The following DLGAP2 variants were observed in gnomAD, a reference collection of about 807,000 sequenced individuals.
DLGAP2 encodes the protein disks large-associated protein 2.
DLGAP2 carries 26 observed loss-of-function variants against 100.3 expected under a neutral mutation model. The observed-to-expected ratio is 0.26, with a 90% CI of 0.19 to 0.36. The LOEUF (loss-of-function observed/expected upper bound fraction) is 0.36. DLGAP2 is among the 10% of genes least tolerant of loss of function. The pLI, the probability that DLGAP2 is intolerant of heterozygous loss-of-function variation, is 1.00. For missense variants in DLGAP2, 1,858 were observed against 1,453.2 expected, an observed-to-expected ratio of 1.28 and a Z score of -4.53; for synonymous variants, 886 against 630.1, an observed-to-expected ratio of 1.41 and a Z score of -6.08.
At chr8:1,225,809 T>C (rs1160420445) in intron 2 of DLGAP2, among the ~76,000 whole-genome samples, 1 of 152,212 alleles carries the variant, frequency 6.6e-6, no homozygotes, top group Non-Finnish European at 1.5e-5. Flanking sequence ...GTTTATAATA[T>C]ATTGTATAAA....
chr8:1,434,611 G>A (rs528356796), intron 3 of DLGAP2, among the ~76,000 whole-genome samples: 2 of 152,212 alleles, frequency 1.3e-5, no homozygotes, highest in East Asian at 1.9e-4. Context: ...CGAGTAGCTG[G>A]GACTACAGGC....
At chr8:1,087,930 C>T (rs1804030349) in intron 2 of DLGAP2, among the ~76,000 whole-genome samples, 1 of 152,256 alleles carries the variant, frequency 6.6e-6, no homozygotes, top group East Asian at 1.9e-4. Context: ...GCACAGTCCG[C>T]CCTCAGGGCA....
chr8:1,689,528 C>T (rs1799202385), intron 12 of DLGAP2, among the ~76,000 whole-genome samples: 1 of 152,216 alleles, frequency 6.6e-6, no homozygotes, highest in Admixed American at 6.5e-5. Context: ...CCCATGGCTT[C>T]CTTCCAACGG....
At chr8:922,693 C>A (rs1798740421) in intron 2 of DLGAP2, among the ~76,000 whole-genome samples, 1 of 152,120 alleles carries the variant, frequency 6.6e-6, no homozygotes, top group Admixed American at 6.5e-5. Context: ...TCCCTTTAAA[C>A]AGAAGTGTCA....
intron 6 of DLGAP2, among the ~76,000 whole-genome samples, chr8:1,597,023 T>C (rs891601641): frequency 6.6e-6 from 1 of 152,236 alleles, no homozygotes; most frequent in Admixed American, 6.5e-5. Flanking sequence ...CTTTTATCCA[T>C]CTTGAGTTAA....
chr8:936,279 G>C (rs936572180), intron 2 of DLGAP2, among the ~76,000 whole-genome samples: 4 of 152,140 alleles, frequency 2.6e-5, no homozygotes, highest in Admixed American at 2.6e-4. Flanking sequence ...GGGACCCAAG[G>C]GGGCTCTATT....
chr8:1,224,704 T>C lies in DLGAP2; in HGVS notation c.74-34147T>C, dbSNP rs539523297. Among the ~76,000 whole-genome samples, 133 of 152,356 alleles carry C rather than the reference T, an allele frequency of 8.7e-4. 1 individual carries two copies. The Middle Eastern group carries it at 0.01, about 12-fold the overall frequency. ...AACCTTACAAGAATAAAATGAATTA[T>C]AGTGTCTATAATAGTTGAAGAACTG... On this transcript the variant is annotated intron_variant, in intron 2 of 14. Transcript: ENST00000637795.
chr8:1,248,316 A>G (rs1798957055), intron 2 of DLGAP2, among the ~76,000 whole-genome samples: 1 of 69,976 alleles, frequency 1.4e-5, no homozygotes, highest in Non-Finnish European at 2.6e-5. Context: ...GTAATGGCCC[A>G]CGTCGGTGGC....
intron 10 of DLGAP2, among the ~76,000 whole-genome samples, chr8:1,670,460 C>G (rs1211879329): frequency 6.6e-6 from 1 of 152,220 alleles, no homozygotes; most frequent in Non-Finnish European, 1.5e-5. Context: ...TTTACCCCTT[C>G]CCGGAGGCCT....
At chr8:1,585,432 C>G (rs2130652796) in intron 6 of DLGAP2, among the ~76,000 whole-genome samples, 1 of 152,298 alleles carries the variant, frequency 6.6e-6, no homozygotes, top group South Asian at 2.1e-4. Flanking sequence ...CCACTGCACT[C>G]CAGCCTGGGC....
intron 5 of DLGAP2, among the ~76,000 whole-genome samples, chr8:1,554,271 G>T (rs3793411): frequency 6.6e-6 from 1 of 151,452 alleles, no homozygotes; most frequent in Non-Finnish European, 1.5e-5. Context: ...CTGGGTGACA[G>T]AGCAAGACTC....
At chr8:1,515,991 CTGAG>C (rs1800358815) in intron 4 of DLGAP2, among the ~76,000 whole-genome samples, 1 of 150,460 alleles carries the variant, frequency 6.6e-6, no homozygotes. Context: ...GACTGAGTTA[CTGAG>C]TGAGAATGAG....
chr8:980,025 A>AG (rs776476850), intron 2 of DLGAP2, among the ~76,000 whole-genome samples: 7 of 152,212 alleles, frequency 4.6e-5, no homozygotes, highest in Non-Finnish European at 1.0e-4. Flanking sequence ...AACTGTTCAA[A>AG]GGTGGATTTG....
intron 3 of DLGAP2, among the ~76,000 whole-genome samples, chr8:1,321,223 G>A (rs191163094): frequency 1.3e-5 from 2 of 151,518 alleles, no homozygotes; most frequent in African/African-American, 4.8e-5. Context: ...CTGCATGTGT[G>A]TGTGCATCTG....
At chr8:1,382,674 G>C (rs1796123907) in intron 3 of DLGAP2, among the ~76,000 whole-genome samples, 1 of 152,180 alleles carries the variant, frequency 6.6e-6, no homozygotes, top group South Asian at 2.1e-4. Flanking sequence ...CCTGGGAGAT[G>C]GAAGCGGCAG....
intron 1 of DLGAP2, among the ~76,000 whole-genome samples, chr8:762,186 T>C (rs1821105482): frequency 6.6e-6 from 1 of 152,178 alleles, no homozygotes; most frequent in South Asian, 2.1e-4. Context: ...TTGGCCCAAT[T>C]AGTCCAACAG....
At position 1,287,162 on chromosome 8, in the gene DLGAP2, G is replaced by GCC. The variant is rs1563061960; in HGVS notation, c.106+28280_106+28281insCC. ...TGTGTGTGTGTGTGTGTGTGTGCGC[G>GCC]CGCGCGCGTGGTTCTGTTAGGAGGG... On this transcript the variant is annotated intron_variant, in intron 3 of 14. Transcript: ENST00000637795. 1.5e-5 allele frequency among the ~76,000 whole-genome samples: 2 copies of GCC among 130,870 alleles called. 1 individual carries two copies. The highest frequency in any genetic ancestry group is 5.5e-5 in the African/African-American group (2 of 36,384). The allele number at this position is 130,870 out of a possible 152,430, so 85.9% of individuals were successfully genotyped here.
chr8:1,242,552 A>T (rs1176579885), intron 2 of DLGAP2, among the ~76,000 whole-genome samples: 1 of 152,216 alleles, frequency 6.6e-6, no homozygotes, highest in African/African-American at 2.4e-5. Flanking sequence ...TTCCTCAAGG[A>T]AGCTCCCCCA....
intron 8 of DLGAP2, among the ~76,000 whole-genome samples, chr8:1,648,663 G>T (rs1798097105): frequency 6.6e-6 from 1 of 152,128 alleles, no homozygotes; most frequent in African/African-American, 2.4e-5. Flanking sequence ...CAGGGGCCGT[G>T]TTCTGCAGCT....
Sources: gnomAD v4.1 joint callset for allele counts (sites outside exome capture counted in the v4.1 genomes callset) on GRCh38, gnomAD v4.1.1 for gene constraint, MANE v1.5 for transcripts, NCBI Gene and HGNC (gene_info 2026-07-23, HGNC 2026-07-21) for gene names.